The following CUL4B variants were observed in gnomAD, a reference collection of about 807,000 sequenced individuals.
CUL4B encodes cullin-4B.
In CUL4B, 1 loss-of-function variant was observed where a neutral mutation model predicts 69.2. That is an observed-to-expected ratio of 0.01 (90% confidence interval 0.01 to 0.07). The LOEUF (loss-of-function observed/expected upper bound fraction) is 0.07. CUL4B is among the 10% of genes least tolerant of loss of function. CUL4B has a pLI of 1.00. For missense variants in CUL4B, 328 were observed against 638.8 expected (o/e 0.51, Z 5.24); for synonymous variants, 237 against 223.2 (o/e 1.06, Z -0.55).
chrX:120,558,537 T>C (rs1045696358), intron 1 of CUL4B, among the ~76,000 whole-genome samples: 1 of 112,039 alleles, frequency 8.9e-6, no homozygotes, highest in African/African-American at 3.2e-5. Context: ...AGCTAGTCAA[T>C]GGCAAAGCTG....
At chrX:120,557,066 AT>A (rs1925020408) in intron 2 of CUL4B, among the ~76,000 whole-genome samples, 1 of 109,618 alleles carries the variant, frequency 9.1e-6, no homozygotes, top group South Asian at 3.9e-4. Context: ...CATGCACCAC[AT>A]TGCCTGGCTA....
chrX:120,531,098 C>T (rs749443971), intron 18 of CUL4B, among the ~76,000 whole-genome samples: 6 of 110,545 alleles, frequency 5.4e-5, no homozygotes, highest in East Asian at 2.9e-4. Flanking sequence ...CCGAGATGGG[C>T]GGATCATGAG....
In CUL4B at chrX:120,560,144, G is replaced by A; in HGVS notation, c.495C>T (p.Val165=). Residue 165 remains valine, a synonymous_variant, in exon 1 of 20, where the codon GTC becomes GTT. Coordinates refer to ENST00000371322, the MANE Select transcript of CUL4B (RefSeq NM_001079872.2). ...ANGLAKSSTT[V]SSFANSKPGS... is the part of the protein sequence containing the mutation. ...CAGGTTTGCTGTTAGCAAAGCTAGA[G>A]ACGGTGGTAGAAGATTTGGCTAGGC... 8.3e-7 allele frequency: 1 copy of A among 1,211,933 alleles called. No homozygotes were observed. Among genetic ancestry groups the A allele is most frequent in the South Asian group, 1.8e-5 (1 of 57,008 alleles).
Position 120,535,868 on chromosome X carries a change from T to C in CUL4B, c.2122A>G (p.Thr708Ala), listed in dbSNP as rs761994963. 3.3e-6 allele frequency: 4 copies of C among 1,207,901 alleles called. No homozygotes were observed. The highest frequency in any genetic ancestry group is 4.5e-6 in the Non-Finnish European group (4 of 892,142). Residue 708 changes from threonine to alanine, a missense_variant, in exon 16 of 20, where the codon ACC becomes GCC. This residue lies in a region of CUL4B where 98 missense variants were observed against 296.8 expected (regional missense o/e 0.33). Coordinates refer to ENST00000371322, the MANE Select transcript of CUL4B (RefSeq NM_001079872.2). ...GCTTTTAACACACAGTGTCCTAGGG[T>C]TGACTGCCACTGAAGTTTCCTGCCA... ...HSGRKLQWQS[T>A]LGHCVLKAEF...
rs1240868657 is a variant in CUL4B at position 120,525,267 on chromosome X, G to T, written c.*1494C>A. 1 of 111,513 alleles carries T rather than the reference G, an allele frequency of 9.0e-6. No individual in the cohort carries two copies. Among genetic ancestry groups the T allele is most frequent in the East Asian group, 2.8e-4 (1 of 3,567 alleles). The allele number at this position is 111,513 out of a possible 1,213,427, so 9.2% of individuals were successfully genotyped here. A position where few individuals can be genotyped will look rare whatever the true frequency, so the allele number is the denominator to read the frequency against. On this transcript the variant is annotated 3_prime_UTR_variant, in exon 20 of 20. Coordinates refer to ENST00000371322, the MANE Select transcript of CUL4B (RefSeq NM_001079872.2). ...ACACAAGAGTCAAAAATCTTCTCAG[G>T]TTGAAGATTAGGACATAGGTAATCT...
At chrX:120,560,038 G>C in intron 1 of CUL4B, 45 bp downstream of exon 1, 1 of 1,211,185 alleles carries the variant, frequency 8.3e-7, no homozygotes, top group Middle Eastern at 2.3e-4. Flanking sequence ...GACCCCTCGA[G>C]TGTCAAATCC....
intron 16 of CUL4B, among the ~76,000 whole-genome samples, chrX:120,535,385 G>T (rs139132647): frequency 9.1e-6 from 1 of 110,485 alleles, no homozygotes; most frequent in Non-Finnish European, 1.9e-5. Context: ...TCATCATGCG[G>T]ATATCTAGGA....
At chrX:120,527,747 A>G (rs1380135007) in intron 19 of CUL4B, among the ~76,000 whole-genome samples, 1 of 111,957 alleles carries the variant, frequency 8.9e-6, no homozygotes, top group African/African-American at 3.2e-5. Flanking sequence ...GGAATTTTCC[A>G]CCTGTGGCAT....
At chrX:120,561,072 C>G (rs1925272760), upstream of CUL4B, 1 of 1,004,010 alleles carries the variant, frequency 1.0e-6, no homozygotes, top group East Asian at 4.4e-5. Context: ...GTCAATAGCA[C>G]AAGAGGCTAA....
intron 1 of CUL4B, among the ~76,000 whole-genome samples, chrX:120,574,889 C>T (rs80123791): frequency 8.9e-6 from 1 of 112,217 alleles, no homozygotes; most frequent in Non-Finnish European, 1.9e-5. Flanking sequence ...TTAAGATTCT[C>T]TTAAATTGGA....
upstream of CUL4B, chrX:120,561,225 G>GC: frequency 2.0e-6 from 1 of 506,098 alleles, no homozygotes; most frequent in Non-Finnish European, 3.4e-6. Context: ...CGGCTAAAGT[G>GC]CCCCAGACGC....
intron 2 of CUL4B, 148 bp from the exon 3 acceptor site, chrX:120,547,387 A>G (rs1321959419): frequency 4.2e-6 from 2 of 474,252 alleles, no homozygotes; most frequent in Non-Finnish European, 3.8e-6. Context: ...ACAACAAAAT[A>G]TATCAATGTG....
chrX:120,527,379 C>CA (rs1363699646), intron 19 of CUL4B, among the ~76,000 whole-genome samples: 1 of 110,602 alleles, frequency 9.0e-6, no homozygotes, highest in Non-Finnish European at 1.9e-5. Context: ...TCTTTAACGC[C>CA]AAAAGTGTTT....
intron 19 of CUL4B, 117 bp from the exon 20 acceptor site, chrX:120,526,973 A>T (rs1408903942): frequency 1.6e-5 from 6 of 371,559 alleles, no homozygotes; most frequent in Admixed American, 4.5e-5. Flanking sequence ...CTCCTTTTTT[A>T]AAATTTTTAT....
chrX:120,530,296 A>T, intron 18 of CUL4B, 42 bp from the exon 19 acceptor site: 1 of 1,143,914 alleles, frequency 8.7e-7, no homozygotes, highest in Non-Finnish European at 1.2e-6. Context: ...ACCAGAAGCA[A>T]AACCTGACTA....
chrX:120,552,071 A>G (rs1190371844), intron 2 of CUL4B, among the ~76,000 whole-genome samples: 1 of 112,231 alleles, frequency 8.9e-6, no homozygotes, highest in African/African-American at 3.2e-5. Context: ...CATATTATGC[A>G]TTGTTTTATT....
At chrX:120,547,316 A>G in intron 2 of CUL4B, 77 bp from the exon 3 acceptor site, 1 of 623,924 alleles carries the variant, frequency 1.6e-6, no homozygotes, top group East Asian at 3.4e-5. Flanking sequence ...TATTAATTTG[A>G]TATTTCTACC....
At chrX:120,534,749 G>A (rs1923549647) in intron 16 of CUL4B, among the ~76,000 whole-genome samples, 163 bp from the exon 17 acceptor site, 1 of 111,582 alleles carries the variant, frequency 9.0e-6, no homozygotes. Flanking sequence ...TCAGTGTGAG[G>A]TTTAGGTGTG....
intron 8 of CUL4B, among the ~76,000 whole-genome samples, chrX:120,543,305 T>A (rs1219485764): frequency 9.0e-6 from 1 of 111,570 alleles, no homozygotes; most frequent in African/African-American, 3.3e-5. Context: ...AAGACCTTGC[T>A]GTAGTCGGCT....
Sources: allele counts gnomAD v4.1 joint callset (sites outside exome capture counted in the v4.1 genomes callset), GRCh38; gene constraint gnomAD v4.1.1; regional missense constraint gnomAD v4.1.1; transcripts MANE v1.5; gene names NCBI Gene and HGNC (gene_info 2026-07-23, HGNC 2026-07-21).